The following CSNK1G1 variants were observed in gnomAD, a reference collection of about 807,000 sequenced individuals.
CSNK1G1 encodes casein kinase 1 gamma 1.
CSNK1G1 carries 22 observed loss-of-function variants against 59.6 expected under a neutral mutation model. The ratio of observed to expected loss-of-function variants is 0.37; its 90% CI spans 0.26 to 0.53. The LOEUF is 0.53. Ranked by LOEUF, CSNK1G1 falls within the 20% of genes least tolerant of loss-of-function variation. CSNK1G1 has a pLI of 0.89. For synonymous variants in CSNK1G1, 179 were observed against 177.1 expected (o/e 1.01, Z -0.08); for missense variants, 384 against 519.5 (o/e 0.74, Z 2.54).
chr15:64,215,547 C>G (rs1288403148), intron 5 of CSNK1G1, among the ~76,000 whole-genome samples: 3 of 152,294 alleles, frequency 2.0e-5, no homozygotes, highest in Admixed American at 6.5e-5. Context: ...AAGAGAAGCT[C>G]AGATATTTGA....
At chr15:64,304,560 G>C (rs1183632621) in intron 1 of CSNK1G1, among the ~76,000 whole-genome samples, 1 of 151,818 alleles carries the variant, frequency 6.6e-6, no homozygotes. Context: ...AAACTCTTTG[G>C]CTTATCATTT....
chr15:64,178,375 T>A (rs2081766061), intron 11 of CSNK1G1, among the ~76,000 whole-genome samples: 1 of 152,094 alleles, frequency 6.6e-6, no homozygotes, highest in South Asian at 2.1e-4. Context: ...GCTCTGAAGC[T>A]GCCTACAGTT....
At chr15:64,245,442 A>T (rs1891700522) in intron 4 of CSNK1G1, among the ~76,000 whole-genome samples, 1 of 152,376 alleles carries the variant, frequency 6.6e-6, no homozygotes, top group Non-Finnish European at 1.5e-5. Context: ...CTGATTTAAA[A>T]ATGGGCAAAT....
intron 2 of CSNK1G1, among the ~76,000 whole-genome samples, chr15:64,288,428 AGAC>A (rs1447067594): frequency 5.1e-4 from 78 of 152,308 alleles, no homozygotes; most frequent in African/African-American, 1.8e-3. Context: ...GGAGGTATCT[AGAC>A]GACATGGATA....
At chr15:64,278,408 GTGTGTGTGTGTATATATATATA>G (rs1893900228) in intron 2 of CSNK1G1, among the ~76,000 whole-genome samples, 5 of 131,920 alleles carry the variant, frequency 3.8e-5, no homozygotes, top group African/African-American at 1.7e-4. Context: ...GTGTGTGTGT[GTGTGTGTGTGTATATATATATA>G]TATTTTTTTT....
intron 4 of CSNK1G1, among the ~76,000 whole-genome samples, chr15:64,247,672 T>C (rs965121687): frequency 6.6e-6 from 1 of 152,188 alleles, no homozygotes; most frequent in Non-Finnish European, 1.5e-5. Flanking sequence ...TTGTTCTATC[T>C]CTACATAATT....
intron 10 of CSNK1G1, among the ~76,000 whole-genome samples, chr15:64,199,068 T>C (rs1328861671): frequency 6.7e-6 from 1 of 149,202 alleles, no homozygotes; most frequent in Non-Finnish European, 1.5e-5. Flanking sequence ...ACAGTGAAAC[T>C]GTCTCTACAG....
At chr15:64,248,795 CA>C (rs942049219) in intron 4 of CSNK1G1, among the ~76,000 whole-genome samples, 11 of 145,704 alleles carry the variant, frequency 7.5e-5, no homozygotes, top group Non-Finnish European at 1.7e-4. Context: ...CCATCCTGGC[CA>C]ACATGGTGAA....
intron 4 of CSNK1G1, among the ~76,000 whole-genome samples, chr15:64,246,658 T>C (rs1433019134): frequency 1.3e-5 from 2 of 148,548 alleles, no homozygotes; most frequent in African/African-American, 4.9e-5. Flanking sequence ...GGGAGGAATC[T>C]TGTCATTTTT....
intron 2 of CSNK1G1, among the ~76,000 whole-genome samples, chr15:64,262,455 A>T (rs1892745950): frequency 6.6e-6 from 1 of 152,234 alleles, no homozygotes; most frequent in Admixed American, 6.5e-5. Context: ...GATATGGATA[A>T]ATGATAGAAA....
At chr15:64,211,133 A>C (rs2082244471) in intron 6 of CSNK1G1, among the ~76,000 whole-genome samples, 1 of 152,194 alleles carries the variant, frequency 6.6e-6, no homozygotes, top group African/African-American at 2.4e-5. Flanking sequence ...CTTTATAGCA[A>C]CACAAAATGG....
rs184708812 is a variant in CSNK1G1 at position 64,171,177 on chromosome 15, A to C, written c.*754T>G. On this transcript the variant is annotated 3_prime_UTR_variant, in exon 12 of 12. Transcript: ENST00000303052. This position sits in a 1 kb window ranked among gnomAD's most constrained non-coding sequence, Gnocchi z 4.8. Reference sequence around the variant, plus strand: ...TGTTTTTGTTTTTTTTAAAAAAACTAAAAGTGCAACAAAGTCAGTTTTCTT... The same window carrying C: ...TGTTTTTGTTTTTTTTAAAAAAACTCAAAGTGCAACAAAGTCAGTTTTCTT... 1 of 152,704 alleles carries C rather than the reference A, an allele frequency of 6.5e-6. No individual in the cohort carries two copies. Among genetic ancestry groups the C allele is most frequent in the Admixed American group, 6.5e-5 (1 of 15,292 alleles). 9.5% of individuals were successfully genotyped at this position (152,704 alleles called of 1,614,324 possible).
At chr15:64,301,212 A>T (rs1037033651) in intron 1 of CSNK1G1, among the ~76,000 whole-genome samples, 1 of 152,176 alleles carries the variant, frequency 6.6e-6, no homozygotes, top group African/African-American at 2.4e-5. Flanking sequence ...ATCAACACAG[A>T]CAACCTCTAT....
At chr15:64,221,286 A>G (rs562738041) in intron 4 of CSNK1G1, among the ~76,000 whole-genome samples, 2 of 152,358 alleles carry the variant, frequency 1.3e-5, no homozygotes, top group East Asian at 3.9e-4. Context: ...TTCAGTTTAA[A>G]TGAGACAACT....
intron 10 of CSNK1G1, among the ~76,000 whole-genome samples, chr15:64,183,654 T>G (rs1175188558): frequency 2.0e-5 from 3 of 152,128 alleles, no homozygotes; most frequent in African/African-American, 7.2e-5. Flanking sequence ...CAATGATGTT[T>G]AGAAAATAAA....
At chr15:64,320,983 A>T (rs539332299) in intron 1 of CSNK1G1, among the ~76,000 whole-genome samples, 9 of 150,928 alleles carry the variant, frequency 6.0e-5, no homozygotes, top group African/African-American at 2.2e-4. Flanking sequence ...TAAGATTAAA[A>T]AGTATCTTTT....
intron 1 of CSNK1G1, among the ~76,000 whole-genome samples, chr15:64,355,432 C>T (rs1328298872): frequency 6.6e-6 from 1 of 152,142 alleles, no homozygotes; most frequent in Non-Finnish European, 1.5e-5. Context: ...GGCGAGGAAA[C>T]AGTAAAGGAA....
chr15:64,286,636 A>T (rs1368627498), intron 2 of CSNK1G1, among the ~76,000 whole-genome samples: 1 of 152,008 alleles, frequency 6.6e-6, no homozygotes, highest in Admixed American at 6.6e-5. Context: ...TGATCTTTGT[A>T]CCCCCAGGGC....
chr15:64,206,924 G>A (rs752042971), intron 7 of CSNK1G1, among the ~76,000 whole-genome samples: 1 of 152,152 alleles, frequency 6.6e-6, no homozygotes, highest in Non-Finnish European at 1.5e-5. Flanking sequence ...AAGTTTTCCT[G>A]AGGAGTACAC....
Sources: gnomAD v4.1 joint callset for allele counts (sites outside exome capture counted in the v4.1 genomes callset) on GRCh38, gnomAD v4.1.1 for gene constraint, Gnocchi (gnomAD v3.1) non-coding constraint, MANE v1.5 for transcripts, NCBI Gene and HGNC (gene_info 2026-07-23, HGNC 2026-07-21) for gene names.